The following SLC24A4 variants were observed in gnomAD, a reference collection of about 807,000 sequenced individuals.
SLC24A4 encodes the protein solute carrier family 24 member 4, also known as sodium/potassium/calcium exchanger 4.
Under a neutral mutation model 79.0 loss-of-function variants are expected in SLC24A4, and 53 were observed. The ratio of observed to expected loss-of-function variants is 0.67; its 90% CI spans 0.54 to 0.84. The LOEUF (loss-of-function observed/expected upper bound fraction) is 0.84. Ranked by LOEUF, SLC24A4 falls within the 40% of genes least tolerant of loss-of-function variation. The pLI is 0.00. For synonymous variants in SLC24A4, 323 were observed against 323.8 expected, an observed-to-expected ratio of 1.00 and a Z score of 0.03; for missense variants, 731 against 822.0, an observed-to-expected ratio of 0.89 and a Z score of 1.35.
At position 92,492,248 on chromosome 14, in the gene SLC24A4, T is replaced by C. The variant is rs776212223; in HGVS notation, c.1716+8T>C. The C allele has an allele frequency of 1.2e-6, 2 of 1,613,656 alleles. No homozygotes were observed. The highest frequency in any genetic ancestry group is 2.2e-5 in the East Asian group (1 of 44,880). On this transcript the variant is annotated splice_region_variant and intron_variant, in intron 16 of 16. Coordinates refer to ENST00000532405, the MANE Select transcript of SLC24A4 (RefSeq NM_153646.4). ...GGCTCTGTCGCTCTCACCGTGAGTC[T>C]TTACAATTCCAAAACAGATGCCTCA...
intron 2 of SLC24A4, among the ~76,000 whole-genome samples, chr14:92,386,534 G>A (rs577529571): frequency 6.6e-6 from 1 of 152,136 alleles, no homozygotes; most frequent in African/African-American, 2.4e-5. Context: ...GGGTGATGGG[G>A]CATTATCACA....
At chr14:92,411,477 A>G (rs1890708484) in intron 2 of SLC24A4, among the ~76,000 whole-genome samples, 1 of 152,154 alleles carries the variant, frequency 6.6e-6, no homozygotes, top group Non-Finnish European at 1.5e-5. Context: ...GAGACCAGGT[A>G]ATTCCCTTCT....
At chr14:92,340,618 G>A (rs1299942222) in intron 2 of SLC24A4, among the ~76,000 whole-genome samples, 1 of 152,052 alleles carries the variant, frequency 6.6e-6, no homozygotes, top group African/African-American at 2.4e-5. Flanking sequence ...TCTCACGTGA[G>A]GATTTAAGAG....
At chr14:92,393,540 A>G (rs1183115164) in intron 2 of SLC24A4, among the ~76,000 whole-genome samples, 1 of 130,146 alleles carries the variant, frequency 7.7e-6, no homozygotes, top group Non-Finnish European at 1.6e-5. Flanking sequence ...CCAAGAAGAC[A>G]CACTCTTTTT....
At position 92,343,696 on chromosome 14, in the gene SLC24A4, CCTTCCTTT is replaced by C. The variant is rs1264742386; in HGVS notation, c.241+17722_241+17729del. ...TCCTTCCTTCCTTCCTTCCTTCCTT[CCTTCCTTT>C]CTTTCTTTCTTTTTTTGAGACAGAG... On this transcript the variant is annotated intron_variant, in intron 2 of 16. Transcript: ENST00000532405. 4.1e-3 allele frequency among the ~76,000 whole-genome samples: 553 copies of C among 135,390 alleles called. 5 individuals are homozygous for C. Among genetic ancestry groups the C allele is most frequent in the African/African-American group, 0.016 (514 of 32,070 alleles). The allele number at this position is 135,390 out of a possible 152,430, so 88.8% of individuals were successfully genotyped here.
At chr14:92,387,764 A>T (rs61975643) in intron 2 of SLC24A4, among the ~76,000 whole-genome samples, 11,482 of 152,242 alleles carry the variant, frequency 0.075, 503 homozygotes, top group Non-Finnish European at 0.086. Context: ...TCTGTCTCTA[A>T]GAACTTGGCT....
chr14:92,464,283 C>T (rs1893972835), intron 12 of SLC24A4, among the ~76,000 whole-genome samples: 3 of 152,152 alleles, frequency 2.0e-5, no homozygotes, highest in South Asian at 4.1e-4. Flanking sequence ...AGAGGACCAG[C>T]GGCTTGCCCA....
At chr14:92,483,939 T>C in intron 13 of SLC24A4, 2 of 1,253,022 alleles carry the variant, frequency 1.6e-6, no homozygotes, top group South Asian at 2.6e-5. Flanking sequence ...ACCTTTCCCT[T>C]AACTCCAGAG....
chr14:92,434,984 G>A (rs1892087016), intron 3 of SLC24A4, among the ~76,000 whole-genome samples: 1 of 152,102 alleles, frequency 6.6e-6, no homozygotes, highest in Admixed American at 6.5e-5. Context: ...ATGTTGGCCA[G>A]GCTGGTCTCG....
intron 2 of SLC24A4, among the ~76,000 whole-genome samples, chr14:92,428,510 C>T (rs545680126): frequency 6.7e-4 from 102 of 152,238 alleles, no homozygotes; most frequent in African/African-American, 2.3e-3. Flanking sequence ...GGAAGGAGGC[C>T]GTATCAAGGA....
chr14:92,461,605 A>G (rs769701933), intron 12 of SLC24A4, among the ~76,000 whole-genome samples: 1 of 152,056 alleles, frequency 6.6e-6, no homozygotes, highest in South Asian at 2.1e-4. Flanking sequence ...TTCTGAGGCC[A>G]CTATTGAATT....
chr14:92,481,984 G>A (rs1201746976), intron 12 of SLC24A4, among the ~76,000 whole-genome samples: 1 of 152,072 alleles, frequency 6.6e-6, no homozygotes, highest in Non-Finnish European at 1.5e-5. Context: ...CCTTGGTAGG[G>A]GCCAGTGAGA....
intron 2 of SLC24A4, among the ~76,000 whole-genome samples, chr14:92,384,804 C>A (rs931040590): frequency 6.6e-6 from 1 of 152,110 alleles, no homozygotes; most frequent in Non-Finnish European, 1.5e-5. Context: ...CCTCCTCTTC[C>A]CCTGACTTAA....
rs1450516713 is a variant in SLC24A4, at chr14:92,501,242, TAA to T, written c.*7615_*7616del. 7 of 152,220 alleles carry T rather than the reference TAA, an allele frequency of 4.6e-5. No homozygotes were observed. Among genetic ancestry groups the T allele is most frequent in the African/African-American group, 1.7e-4 (7 of 41,452 alleles). The allele number at this position is 152,220 out of a possible 1,614,324, so 9.4% of individuals were successfully genotyped here. On this transcript the variant is annotated 3_prime_UTR_variant, in exon 17 of 17. Coordinates refer to ENST00000532405, the MANE Select transcript of SLC24A4 (RefSeq NM_153646.4). ...TTTATCCCGCTATTTATTTTTTCAA[TAA>T]CTGTGACCTCCTGCACTGTGAATGC...
chr14:92,342,171 A>T (rs1886182503), intron 2 of SLC24A4, among the ~76,000 whole-genome samples: 1 of 151,952 alleles, frequency 6.6e-6, no homozygotes, highest in South Asian at 2.1e-4. Flanking sequence ...CTCAGAAGGG[A>T]TCCAAGAGAT....
At chr14:92,437,494 A>T (rs1162063528) in intron 3 of SLC24A4, among the ~76,000 whole-genome samples, 1 of 152,254 alleles carries the variant, frequency 6.6e-6, no homozygotes, top group East Asian at 1.9e-4. Flanking sequence ...AAACCATTTT[A>T]AAACTGCTGA....
intron 2 of SLC24A4, chr14:92,408,421 A>G (rs1890526718): frequency 2.0e-6 from 2 of 985,294 alleles, no homozygotes; most frequent in African/African-American, 1.7e-5. Flanking sequence ...AAGCTCTCCT[A>G]TCTCTGCAAA....
intron 2 of SLC24A4, among the ~76,000 whole-genome samples, chr14:92,422,072 A>G (rs1891315003): frequency 6.6e-6 from 1 of 152,154 alleles, no homozygotes; most frequent in Admixed American, 6.5e-5. Flanking sequence ...TTCCACATCC[A>G]GTGTCTTTAA....
rs117131654 is a variant in SLC24A4 at position 92,399,272 on chromosome 14, C to T, written c.242-34640C>T. 1.5e-3 allele frequency among the ~76,000 whole-genome samples: 227 copies of T among 152,186 alleles called. 2 individuals carry two copies. In the East Asian group the frequency reaches 0.037, roughly 25 times the overall value. The stretch of plus-strand genomic sequence containing the variant: ...ATTGCTATAAACTTGCTTATGCGGC[C>T]GAGTCTCACCTTGATTTTGGCACCT... On this transcript the variant is annotated intron_variant, in intron 2 of 16. Transcript: ENST00000532405.
Sources: gnomAD v4.1 joint callset for allele counts (sites outside exome capture counted in the v4.1 genomes callset) on GRCh38, gnomAD v4.1.1 for gene constraint, MANE v1.5 for transcripts, NCBI Gene and HGNC (gene_info 2026-07-23, HGNC 2026-07-21) for gene names.